UXS1: variants seen among roughly 807,000 people sequenced by gnomAD.
UXS1 encodes UDP-glucuronate decarboxylase 1.
In UXS1, 33 loss-of-function variants were observed where a neutral mutation model predicts 62.6. The ratio of observed to expected loss-of-function variants is 0.53; its 90% CI spans 0.40 to 0.70. The LOEUF (loss-of-function observed/expected upper bound fraction) is 0.70, where lower values mean the gene tolerates loss of function less well. Among genes scored for constraint, UXS1 ranks in the 30% least tolerant of loss-of-function variants. The pLI, the probability that UXS1 is intolerant of heterozygous loss-of-function variation, is 0.00. For missense variants in UXS1, 434 were observed against 556.3 expected, an observed-to-expected ratio of 0.78 and a Z score of 2.21; for synonymous variants, 213 against 206.8, an observed-to-expected ratio of 1.03 and a Z score of -0.26.
intron 6 of UXS1, among the ~76,000 whole-genome samples, chr2:106,141,917 C>CTGGA (rs1394761303): frequency 6.7e-6 from 1 of 149,974 alleles, no homozygotes; most frequent in Non-Finnish European, 1.5e-5. Context: ...GTCACCCAGG[C>CTGGA]TGGAGTGCAA....
intron 4 of UXS1, among the ~76,000 whole-genome samples, chr2:106,158,756 A>AT (rs1397669203): frequency 6.6e-6 from 1 of 152,196 alleles, no homozygotes; most frequent in African/African-American, 2.4e-5. Flanking sequence ...TGGCTTTTCT[A>AT]TATGTTGCTT....
intron 12 of UXS1, among the ~76,000 whole-genome samples, chr2:106,099,088 C>CA (rs1677371986): frequency 6.6e-6 from 1 of 152,214 alleles, no homozygotes; most frequent in African/African-American, 2.4e-5. Flanking sequence ...AACATAACTT[C>CA]AATGTCACTT....
intron 6 of UXS1, among the ~76,000 whole-genome samples, chr2:106,143,654 T>C (rs1469751015): frequency 6.6e-6 from 1 of 152,118 alleles, no homozygotes; most frequent in Non-Finnish European, 1.5e-5. Flanking sequence ...CAGGGCTGTG[T>C]TCCTTTCTTC....
At chr2:106,107,762 T>C (rs1040244176) in intron 10 of UXS1, among the ~76,000 whole-genome samples, 1 of 152,202 alleles carries the variant, frequency 6.6e-6, no homozygotes, top group Non-Finnish European at 1.5e-5. Context: ...TGCATTTCCC[T>C]GCGTGACTCG....
intron 6 of UXS1, among the ~76,000 whole-genome samples, chr2:106,131,009 T>A (rs1287897024): frequency 2.0e-5 from 3 of 151,410 alleles, no homozygotes. Flanking sequence ...TTCATCTCAC[T>A]AGGGAGTGCC....
rs180732763 is a variant in UXS1 at position 106,112,760 on chromosome 2, G to T, written c.765C>A (p.Gly255=). 2.1e-5 allele frequency: 34 copies of T among 1,613,490 alleles called. No homozygotes were observed. The highest frequency in any genetic ancestry group is 3.3e-4 in the Middle Eastern group (2 of 6,062). Reference sequence around the variant, plus strand: ...AGATTCTGGCCACTCGCACTTCCACGCCTTCCTGGAACAGAGAGAAGAGGA... The same window carrying T: ...AGATTCTGGCCACTCGCACTTCCACTCCTTCCTGGAACAGAGAGAAGAGGA... ...TMCYAYMKQE[G]VEVRVARIFN... The change falls in exon 10 of 15, where the codon GGC becomes GGA. Residue 255 remains glycine (G), a synonymous_variant. Coordinates refer to ENST00000283148, the MANE Select transcript of UXS1 (RefSeq NM_001253875.2).
intron 3 of UXS1, among the ~76,000 whole-genome samples, chr2:106,164,096 TTATCAGCTGCAGCACA>T (rs1282560082): frequency 6.6e-6 from 1 of 152,196 alleles, no homozygotes. Context: ...TATACTCATG[TTATCAGCTGCAGCACA>T]TAAATTGCAG....
chr2:106,177,001 A>G (rs1683922218), intron 1 of UXS1, among the ~76,000 whole-genome samples: 1 of 152,124 alleles, frequency 6.6e-6, no homozygotes. Flanking sequence ...TGCCCAGGGG[A>G]AAAAATTTTG....
chr2:106,189,309 A>C (rs1313019717), intron 1 of UXS1, among the ~76,000 whole-genome samples: 1 of 152,230 alleles, frequency 6.6e-6, no homozygotes, highest in Non-Finnish European at 1.5e-5. Flanking sequence ...AGGCATTGTT[A>C]AACTACAGCA....
intron 5 of UXS1, among the ~76,000 whole-genome samples, chr2:106,153,720 G>A (rs532487430): frequency 1.3e-5 from 2 of 152,196 alleles, no homozygotes; most frequent in Non-Finnish European, 2.9e-5. Context: ...AAAACTGTCT[G>A]TGTGAAGTCC....
At chr2:106,105,023 G>T (rs1444717027) in intron 10 of UXS1, among the ~76,000 whole-genome samples, 186 bp from the exon 11 acceptor site, 1 of 152,192 alleles carries the variant, frequency 6.6e-6, no homozygotes, top group Non-Finnish European at 1.5e-5. Flanking sequence ...GTGAGATGGT[G>T]GCAGCAATAC....
intron 7 of UXS1, among the ~76,000 whole-genome samples, chr2:106,127,585 A>G (rs1680068063): frequency 6.6e-6 from 1 of 152,116 alleles, no homozygotes; most frequent in South Asian, 2.1e-4. Context: ...GTTACGAAAA[A>G]CTTTCATCAG....
intron 5 of UXS1, among the ~76,000 whole-genome samples, chr2:106,152,712 T>C (rs1282406287): frequency 1.3e-5 from 2 of 152,084 alleles, no homozygotes; most frequent in Non-Finnish European, 2.9e-5. Context: ...GTGCTGGGTG[T>C]GGCCAAGAAA....
At chr2:106,104,714 G>A in intron 11 of UXS1, 80 bp downstream of exon 11, 1 of 1,546,122 alleles carries the variant, frequency 6.5e-7, no homozygotes, top group Non-Finnish European at 8.9e-7. Context: ...ACATATACAA[G>A]ACACTGAACT....
chr2:106,140,244 T>C (rs1039503610), intron 6 of UXS1, among the ~76,000 whole-genome samples: 3 of 152,190 alleles, frequency 2.0e-5, no homozygotes, highest in Admixed American at 6.5e-5. Flanking sequence ...GGGGCTCACC[T>C]TCCCTGTGAA....
At chr2:106,127,481 T>C (rs1398839011) in intron 7 of UXS1, among the ~76,000 whole-genome samples, 1 of 152,186 alleles carries the variant, frequency 6.6e-6, no homozygotes, top group Non-Finnish European at 1.5e-5. Flanking sequence ...ACTATTTCTG[T>C]AGCACTTTCA....
intron 6 of UXS1, among the ~76,000 whole-genome samples, chr2:106,131,449 G>A (rs1680468643): frequency 6.2e-5 from 1 of 16,120 alleles, no homozygotes; most frequent in African/African-American, 1.8e-4. Flanking sequence ...CACCTCTGGG[G>A]GCAGGGCACA....
intron 1 of UXS1, among the ~76,000 whole-genome samples, chr2:106,190,384 GA>G (rs1450180390): frequency 6.6e-6 from 1 of 152,124 alleles, no homozygotes; most frequent in Non-Finnish European, 1.5e-5. Flanking sequence ...ATCTACAACT[GA>G]AAAATCAGGA....
chr2:106,143,709 G>T (rs1681334099), intron 6 of UXS1, among the ~76,000 whole-genome samples: 1 of 152,128 alleles, frequency 6.6e-6, no homozygotes, highest in Admixed American at 6.6e-5. Context: ...CCCTGAGGCT[G>T]CAGGACTGAG....
Sources: allele counts gnomAD v4.1 joint callset (sites outside exome capture counted in the v4.1 genomes callset), GRCh38; gene constraint gnomAD v4.1.1; transcripts MANE v1.5; gene names NCBI Gene and HGNC (gene_info 2026-07-23, HGNC 2026-07-21).